KCTD8: variants seen among roughly 807,000 people sequenced by gnomAD.
The protein encoded by KCTD8 is potassium channel tetramerization domain containing 8.
A neutral mutation model predicts 31.5 loss-of-function variants in KCTD8; 27 were observed. The ratio of observed to expected loss-of-function variants is 0.86; its 90% CI spans 0.63 to 1.18. The LOEUF is 1.18. Among genes scored for constraint, KCTD8 ranks in the 50% most tolerant of loss-of-function variants. The pLI is 0.00. For synonymous variants in KCTD8, 290 were observed against 280.0 expected (o/e 1.04, Z -0.36); for missense variants, 658 against 647.7 (o/e 1.02, Z -0.17).
At chr4:44,282,620 C>T (rs1373625091) in intron 1 of KCTD8, among the ~76,000 whole-genome samples, 1 of 151,990 alleles carries the variant, frequency 6.6e-6, no homozygotes, top group Admixed American at 6.6e-5. Flanking sequence ...CACCAAACAG[C>T]CCAAGTTGTG....
intron 1 of KCTD8, among the ~76,000 whole-genome samples, chr4:44,321,175 T>C (rs2109406208): frequency 6.6e-6 from 1 of 152,350 alleles, no homozygotes; most frequent in South Asian, 2.1e-4. Flanking sequence ...GTTTTGTTTT[T>C]AGTTACTCTT....
chr4:44,338,757 T>C (rs1014116251), intron 1 of KCTD8, among the ~76,000 whole-genome samples: 2 of 152,198 alleles, frequency 1.3e-5, no homozygotes, highest in East Asian at 3.9e-4. Context: ...TAAAGAACTC[T>C]ATAGTAGAGC....
chr4:44,225,897 T>C (rs1273101068), intron 1 of KCTD8, among the ~76,000 whole-genome samples: 1 of 144,250 alleles, frequency 6.9e-6, no homozygotes, highest in African/African-American at 2.6e-5. Flanking sequence ...CTCGGCTCAC[T>C]GCAAGCTCCA....
At chr4:44,326,454 T>C (rs984971775) in intron 1 of KCTD8, among the ~76,000 whole-genome samples, 5 of 151,932 alleles carry the variant, frequency 3.3e-5, no homozygotes, top group African/African-American at 1.2e-4. Context: ...CACAGTATAA[T>C]AAAATCTCAG....
At chr4:44,268,904 T>G (rs1214857205) in intron 1 of KCTD8, among the ~76,000 whole-genome samples, 1 of 152,136 alleles carries the variant, frequency 6.6e-6, no homozygotes. Context: ...TACAAAGAAA[T>G]GGAAGAACAT....
At chr4:44,220,792 A>G (rs1044443032) in intron 1 of KCTD8, among the ~76,000 whole-genome samples, 1 of 152,230 alleles carries the variant, frequency 6.6e-6, no homozygotes, top group Non-Finnish European at 1.5e-5. Flanking sequence ...GAGAATATTT[A>G]GGATGAATTC....
At chr4:44,423,861 A>T (rs919512667) in intron 1 of KCTD8, among the ~76,000 whole-genome samples, 8 of 152,144 alleles carry the variant, frequency 5.3e-5, no homozygotes, top group Admixed American at 3.3e-4. Flanking sequence ...AATTTTTAGA[A>T]CAGGTATTTA....
rs1317159997 is a variant in KCTD8, at chr4:44,448,447, G to C, written c.77C>G (p.Pro26Arg). The C allele has an allele frequency of 6.5e-7, 1 of 1,548,128 alleles. No homozygotes were observed. Among genetic ancestry groups the C allele is most frequent in the Non-Finnish European group, 8.7e-7 (1 of 1,155,276 alleles). The change falls in exon 1 of 2, where the codon CCC becomes CGC. Residue 26 changes from proline to arginine, a missense_variant. Transcript: ENST00000360029. The surrounding 1 kb of genome is among the most constrained non-coding windows in gnomAD (Gnocchi z 4.1). ...CGGGGCGGCGGCGGCCGACGCGCCG[G>C]GCGAGCTGGACGAGGAAACCATCTC... ...ISEMVSSSSS[P>R]GASAAAAPGP...
chr4:44,397,480 C>A (rs932493117), intron 1 of KCTD8, among the ~76,000 whole-genome samples: 4 of 151,962 alleles, frequency 2.6e-5, no homozygotes, highest in Admixed American at 1.3e-4. Context: ...CCCACTGGCA[C>A]ATACACATAT....
At chr4:44,262,959 T>A (rs1202778344) in intron 1 of KCTD8, among the ~76,000 whole-genome samples, 1 of 152,132 alleles carries the variant, frequency 6.6e-6, no homozygotes, top group Non-Finnish European at 1.5e-5. Context: ...ATCGCTAGTA[T>A]TATGAAATGA....
chr4:44,403,358 A>G lies in KCTD8; in HGVS notation c.961+44205T>C, dbSNP rs1482229038. On this transcript the variant is annotated intron_variant, in intron 1 of 1. Coordinates refer to ENST00000360029, the MANE Select transcript of KCTD8 (RefSeq NM_198353.3). ...TGGCTAAATTATCTACTTTTTCTGT[A>G]GAAATATTAATAAATCATTTTAATA... Among the ~76,000 whole-genome samples the G allele has an allele frequency of 2.6e-5, 4 of 152,044 alleles. No homozygotes were observed. In the East Asian group the frequency reaches 7.7e-4, roughly 29 times the overall value.
chr4:44,214,479 A>C (rs1714590332), intron 1 of KCTD8, among the ~76,000 whole-genome samples: 1 of 152,250 alleles, frequency 6.6e-6, no homozygotes, highest in African/African-American at 2.4e-5. Context: ...ACATACAGTA[A>C]TAAGAACAAT....
intron 1 of KCTD8, among the ~76,000 whole-genome samples, chr4:44,362,901 G>A (rs1006645554): frequency 2.0e-5 from 3 of 151,484 alleles, no homozygotes; most frequent in Non-Finnish European, 4.4e-5. Flanking sequence ...TACTCAAAAT[G>A]TTATGATATA....
chr4:44,425,773 T>C (rs1353107782), intron 1 of KCTD8, among the ~76,000 whole-genome samples: 1 of 151,922 alleles, frequency 6.6e-6, no homozygotes, highest in African/African-American at 2.4e-5. Flanking sequence ...AATCTATCCA[T>C]CATTATAAGA....
intron 1 of KCTD8, among the ~76,000 whole-genome samples, chr4:44,385,787 A>T (rs538955845): frequency 6.6e-6 from 1 of 151,792 alleles, no homozygotes; most frequent in Admixed American, 6.6e-5. Flanking sequence ...TGAGGGAAGT[A>T]TCTTCAAATC....
At chr4:44,392,632 A>C (rs1279372138) in intron 1 of KCTD8, among the ~76,000 whole-genome samples, 1 of 152,034 alleles carries the variant, frequency 6.6e-6, no homozygotes, top group Non-Finnish European at 1.5e-5. Context: ...TACCATAAAA[A>C]AGATGCTTAA....
At chr4:44,271,172 T>A (rs1716587861) in intron 1 of KCTD8, among the ~76,000 whole-genome samples, 1 of 152,088 alleles carries the variant, frequency 6.6e-6, no homozygotes. Flanking sequence ...TTGATTAAAA[T>A]CCTAATATAT....
Position 44,447,724 on chromosome 4 carries a change from G to C in KCTD8, c.800C>G (p.Ser267Cys). 1 of 1,612,458 alleles carries C rather than the reference G, an allele frequency of 6.2e-7. No homozygotes were observed. The highest frequency in any genetic ancestry group is 8.5e-7 in the Non-Finnish European group (1 of 1,179,390). The change falls in exon 1 of 2, where the codon TCC (serine) becomes TGC (cysteine). Residue 267 changes from serine (S) to cysteine (C), a missense_variant. Ser to Cys is a moderately radical substitution (Grantham distance 112). Transcript: ENST00000360029. ...GTAGGTGAACTTGAGGTAGAAGCGGGACGTGTACTTCTCCGGCTGCCGGTC... is the reference window on the plus strand; with the variant it reads ...GTAGGTGAACTTGAGGTAGAAGCGGCACGTGTACTTCTCCGGCTGCCGGTC... ...DPDRQPEKYTSRFYLKFTYLE... is the reference protein window; with the variant it reads ...DPDRQPEKYTCRFYLKFTYLE...
chr4:44,299,432 C>T (rs1283771009), intron 1 of KCTD8, among the ~76,000 whole-genome samples: 1 of 152,096 alleles, frequency 6.6e-6, no homozygotes, highest in Non-Finnish European at 1.5e-5. Flanking sequence ...TTTCTTCTTG[C>T]ATAAAAATGG....
Sources: gnomAD v4.1 joint callset for allele counts (sites outside exome capture counted in the v4.1 genomes callset) on GRCh38, gnomAD v4.1.1 for gene constraint, Gnocchi (gnomAD v3.1) non-coding constraint, MANE v1.5 for transcripts, NCBI Gene and HGNC (gene_info 2026-07-23, HGNC 2026-07-21) for gene names.